CA10: variants seen among roughly 807,000 people sequenced by gnomAD.
CA10 encodes carbonic anhydrase 10 (inactive).
Under a neutral mutation model 44.2 loss-of-function variants are expected in CA10, and 14 were observed. The ratio of observed to expected loss-of-function variants is 0.32; its 90% CI spans 0.21 to 0.50. The LOEUF (loss-of-function observed/expected upper bound fraction) is 0.50. CA10 is among the 20% of genes least tolerant of loss of function. The pLI, the probability that CA10 is intolerant of heterozygous loss-of-function variation, is 0.99. For missense variants in CA10, 350 were observed against 409.7 expected (o/e 0.85, Z 1.26); for synonymous variants, 159 against 141.6 (o/e 1.12, Z -0.87).
Position 51,980,868 on chromosome 17 carries a change from T to C in CA10, c.137-49736A>G, listed in dbSNP as rs138515866. On this transcript the variant is annotated intron_variant, in intron 2 of 8. Coordinates refer to ENST00000451037, the MANE Select transcript of CA10 (RefSeq NM_020178.5). ...TTTCTCGACTTTCTCTTCCGTTCCA[T>C]TGACCAGTTACTTCACAAACAGTTA... Among the ~76,000 whole-genome samples, 477 of 152,230 alleles carry C rather than the reference T, an allele frequency of 3.1e-3. 2 individuals carry two copies. Among genetic ancestry groups the C allele is most frequent in the African/African-American group, 1.0e-2 (415 of 41,548 alleles).
intron 3 of CA10, among the ~76,000 whole-genome samples, chr17:51,870,496 T>C (rs368364192): frequency 6.6e-6 from 1 of 152,214 alleles, no homozygotes. Context: ...AGAATGGATG[T>C]GATGTTGTTG....
chr17:51,892,305 T>C (rs1272674344), intron 3 of CA10, among the ~76,000 whole-genome samples: 1 of 152,208 alleles, frequency 6.6e-6, no homozygotes, highest in Non-Finnish European at 1.5e-5. Context: ...AACTATCTCT[T>C]ATATAGAGCC....
intron 1 of CA10, among the ~76,000 whole-genome samples, chr17:52,116,595 C>T (rs988327125): frequency 1.3e-5 from 2 of 152,138 alleles, no homozygotes; most frequent in African/African-American, 4.8e-5. Context: ...AAAAAGGATG[C>T]TTTTTCCTTC....
intron 3 of CA10, among the ~76,000 whole-genome samples, chr17:51,929,495 C>T (rs1485161650): frequency 6.6e-6 from 1 of 152,154 alleles, no homozygotes; most frequent in Non-Finnish European, 1.5e-5. Flanking sequence ...GGCTACCTTT[C>T]AGCTGCATTC....
intron 1 of CA10, among the ~76,000 whole-genome samples, chr17:52,153,478 G>T (rs942347353): frequency 1.3e-5 from 2 of 152,080 alleles, no homozygotes; most frequent in African/African-American, 2.4e-5. Flanking sequence ...GTACTACATG[G>T]TTTCCAGGTA....
At chr17:51,960,868 C>T (rs570454898) in intron 2 of CA10, among the ~76,000 whole-genome samples, 2 of 152,252 alleles carry the variant, frequency 1.3e-5, no homozygotes, top group South Asian at 2.1e-4. Context: ...GTATTTTCAA[C>T]TTGGCTAAGA....
chr17:51,999,094 G>A (rs1397811039), intron 2 of CA10, among the ~76,000 whole-genome samples: 3 of 151,944 alleles, frequency 2.0e-5, no homozygotes, highest in African/African-American at 7.2e-5. Context: ...TCTTATTAAT[G>A]ATGTTTTCTT....
intron 3 of CA10, among the ~76,000 whole-genome samples, chr17:51,785,311 AT>A (rs1285243207): frequency 2.0e-5 from 3 of 152,230 alleles, no homozygotes; most frequent in Non-Finnish European, 4.4e-5. Context: ...AAGAGTTCAA[AT>A]AACTCTATAG....
intron 3 of CA10, among the ~76,000 whole-genome samples, chr17:51,899,078 T>G (rs1201888395): frequency 6.6e-6 from 1 of 152,104 alleles, no homozygotes; most frequent in Admixed American, 6.6e-5. Context: ...TCTTGTCTTC[T>G]GCTAGCTTTG....
In CA10 at chr17:51,747,781, G is replaced by T; in HGVS notation, c.317C>A (p.Ser106Tyr). The change falls in exon 4 of 9, where the codon TCC (serine) becomes TAC (tyrosine). Residue 106 changes from serine to tyrosine, a missense_variant. Coordinates refer to ENST00000451037, the MANE Select transcript of CA10 (RefSeq NM_020178.5). ...GTMYNTGRHVSLRLDKEHLVN... is the reference protein window; with the variant it reads ...GTMYNTGRHVYLRLDKEHLVN... ...CAAGTGCTCCTTGTCCAGGCGAAGG[G>T]ATACGTGTCTTCCAGTGTTGTACAT... The T allele has an allele frequency of 1.2e-6, 2 of 1,613,920 alleles. No homozygotes were observed. Among genetic ancestry groups the T allele is most frequent in the Non-Finnish European group, 1.7e-6 (2 of 1,179,882 alleles).
chr17:51,941,075 A>T (rs1983060063), intron 2 of CA10, among the ~76,000 whole-genome samples: 1 of 152,172 alleles, frequency 6.6e-6, no homozygotes, highest in Non-Finnish European at 1.5e-5. Flanking sequence ...CCCATTTTAC[A>T]GATAGGAAAC....
chr17:52,073,204 C>A (rs538130817), intron 1 of CA10, among the ~76,000 whole-genome samples: 3 of 152,254 alleles, frequency 2.0e-5, no homozygotes, highest in South Asian at 4.1e-4. Flanking sequence ...AATGTTAAAT[C>A]TTAACTTTTT....
At chr17:51,951,046 A>G (rs1983463335) in intron 2 of CA10, among the ~76,000 whole-genome samples, 1 of 152,188 alleles carries the variant, frequency 6.6e-6, no homozygotes, top group African/African-American at 2.4e-5. Flanking sequence ...AATATATATT[A>G]TTCTTCACCA....
chr17:52,138,613 A>G (rs1989410052), intron 1 of CA10, among the ~76,000 whole-genome samples: 1 of 152,172 alleles, frequency 6.6e-6, no homozygotes, highest in African/African-American at 2.4e-5. Context: ...TTGATATCAA[A>G]TCCATCTTCT....
At chr17:51,710,921 C>CTTT (rs55854155) in intron 4 of CA10, among the ~76,000 whole-genome samples, 62 of 84,462 alleles carry the variant, frequency 7.3e-4, no homozygotes, top group South Asian at 1.1e-3. Context: ...CAACATTTTG[C>CTTT]TTTTTTTTTT....
intron 3 of CA10, among the ~76,000 whole-genome samples, chr17:51,821,115 T>G: frequency 8.8e-6 from 1 of 114,078 alleles, no homozygotes; most frequent in Non-Finnish European, 1.8e-5. Context: ...CTTCCTTTCC[T>G]TCCTCCCTTC....
At chr17:52,117,950 G>T (rs575586296) in intron 1 of CA10, among the ~76,000 whole-genome samples, 4 of 152,156 alleles carry the variant, frequency 2.6e-5, no homozygotes, top group Admixed American at 6.5e-5. Flanking sequence ...ATTCAAAGGG[G>T]TATTATATGG....
At chr17:51,717,829 G>GTGTATATATA (rs1337266806) in intron 4 of CA10, among the ~76,000 whole-genome samples, 1 of 7,920 alleles carries the variant, frequency 1.3e-4, no homozygotes, top group African/African-American at 3.4e-4. Context: ...ATATGTGTGT[G>GTGTATATATA]TATATATATA....
intron 3 of CA10, among the ~76,000 whole-genome samples, chr17:51,788,863 A>T (rs1906398022): frequency 6.6e-6 from 1 of 152,212 alleles, no homozygotes. Flanking sequence ...CCCCTGAAAG[A>T]TTGGGATAAA....
Sources: gnomAD v4.1 joint callset for allele counts (sites outside exome capture counted in the v4.1 genomes callset) on GRCh38, gnomAD v4.1.1 for gene constraint, MANE v1.5 for transcripts, NCBI Gene and HGNC (gene_info 2026-07-23, HGNC 2026-07-21) for gene names.